The following CRIP1 variants were observed in gnomAD, a reference collection of about 807,000 sequenced individuals.
The protein encoded by CRIP1 is cysteine-rich protein 1.
In CRIP1, 11 loss-of-function variants were observed where a neutral mutation model predicts 12.9. That is an observed-to-expected ratio of 0.86 (90% CI 0.54 to 1.42). The LOEUF (loss-of-function observed/expected upper bound fraction) is 1.42. Among genes scored for constraint, CRIP1 ranks in the 40% most tolerant of loss-of-function variants. The pLI is 0.00. For synonymous variants in CRIP1, 41 were observed against 37.2 expected (o/e 1.10, Z -0.37); for missense variants, 122 against 101.3 (o/e 1.20, Z -0.88).
Position 105,488,462 on chromosome 14 carries a change from TCTC to T in CRIP1, c.194-8_194-6del. 6.9e-7 allele frequency: 1 copy of T among 1,455,046 alleles called. No homozygotes were observed. 90.1% of individuals were successfully genotyped at this position (1,455,046 alleles called of 1,614,324 possible). A position where few individuals can be genotyped will look rare whatever the true frequency, so the allele number is the denominator to read the frequency against. ...CCCAGCCTGTTGACTTTTTCCACCT[TCTC>T]TGCAGGCTTTGGGCGGGGCGGAGCC... is the stretch of plus-strand genomic sequence containing the variant. On this transcript the variant is annotated splice_region_variant and splice_polypyrimidine_tract_variant and intron_variant, in intron 4 of 5. Transcript: ENST00000392531.
At chr14:105,487,637 G>C in intron 2 of CRIP1, 1 of 268,888 alleles carries the variant, frequency 3.7e-6, no homozygotes, top group Non-Finnish European at 6.9e-6. Flanking sequence ...CTGGGGCCGC[G>C]CCCCCCAGCG....
At chr14:105,488,099 G>A (rs2084140551) in intron 2 of CRIP1, 67 bp from the exon 3 acceptor site, 2 of 1,515,388 alleles carry the variant, frequency 1.3e-6, no homozygotes, top group South Asian at 1.2e-5. Context: ...CAAGAGGCGG[G>A]TACGCCAGTG....
Position 105,487,313 on chromosome 14 carries a change from C to T in CRIP1, c.40+14C>T, listed in dbSNP as rs782438052. 5.8e-6 allele frequency: 9 copies of T among 1,539,422 alleles called. No homozygotes were observed. The South Asian group carries it at 1.1e-4, about 19-fold the overall frequency. ...AGGTGTACTTCGGTGAGCGCGCCCACACCGGCCCCGCGAGGAGGCGCCGCC... is the reference window on the plus strand; with the variant it reads ...AGGTGTACTTCGGTGAGCGCGCCCATACCGGCCCCGCGAGGAGGCGCCGCC... On this transcript the variant is annotated intron_variant, in intron 2 of 5. Coordinates refer to ENST00000392531, the MANE Select transcript of CRIP1 (RefSeq NM_001311.5).
In CRIP1 at chr14:105,488,162, G is replaced by A; in HGVS notation, c.41-4G>A. ...CTCACCGGGGCCTGTCTGTGCCTCT[G>A]CAGCCGAGAGGGTGACCTCTCTGGG... On this transcript the variant is annotated splice_polypyrimidine_tract_variant and splice_region_variant and intron_variant, in intron 2 of 5. Coordinates refer to ENST00000392531, the MANE Select transcript of CRIP1 (RefSeq NM_001311.5). 3 of 1,611,848 alleles carry A rather than the reference G, an allele frequency of 1.9e-6. No individual in the cohort carries two copies. The highest frequency in any genetic ancestry group is 2.5e-6 in the Non-Finnish European group (3 of 1,179,820).
In CRIP1 at chr14:105,488,923, CAT is replaced by C. The variant is rs1266016979; in HGVS notation, c.*268_*269del. 17 of 224,750 alleles carry C rather than the reference CAT, an allele frequency of 7.6e-5. No individual in the cohort carries two copies. Among genetic ancestry groups the C allele is most frequent in the Non-Finnish European group, 1.4e-4 (16 of 112,064 alleles). The allele number at this position is 224,750 out of a possible 1,614,324, so 13.9% of individuals were successfully genotyped here. A position where few individuals can be genotyped will look rare whatever the true frequency, so the allele number is the denominator to read the frequency against. On this transcript the variant is annotated 3_prime_UTR_variant, in exon 6 of 6. Coordinates refer to ENST00000392531, the MANE Select transcript of CRIP1 (RefSeq NM_001311.5). ...TCCCCAGGGGGCCGTTCCAGGGTCT[CAT>C]AGGCGAGGGCTCCCTGTGCAGGGTG...
Position 105,488,505 on chromosome 14 carries a change from C to A in CRIP1, c.228C>A (p.Phe76Leu). The change falls in exon 5 of 6, where the codon TTC becomes TTA. Residue 76 changes from phenylalanine (F) to leucine (L), a missense_variant. Phe to Leu is a conservative substitution (Grantham distance 22, BLOSUM62 0). Coordinates refer to ENST00000392531, the MANE Select transcript of CRIP1 (RefSeq NM_001311.5). ...GGGGCGGAGCCGAGAGCCACACTTTCAAGTAAACCAGGTAGGTAGGACCCC... is the reference window on the plus strand; with the variant it reads ...GGGGCGGAGCCGAGAGCCACACTTTAAAGTAAACCAGGTAGGTAGGACCCC... ...FGRGGAESHTFK is the reference protein window; with the variant it reads ...FGRGGAESHTLK 1 of 1,592,232 alleles carries A rather than the reference C, an allele frequency of 6.3e-7. No individual in the cohort carries two copies. The highest frequency in any genetic ancestry group is 2.3e-5 in the East Asian group (1 of 44,282).
rs782739751 is a variant in CRIP1 at position 105,488,277 on chromosome 14, C to G, written c.135+17C>G. ...CACGCTGAGGTAGGTGGGACCCACC[C>G]TGGTGGCAGGGGCCAGGGGTGATGG... On this transcript the variant is annotated intron_variant, in intron 3 of 5. Transcript: ENST00000392531. 4.3e-6 allele frequency: 7 copies of G among 1,613,346 alleles called. No individual in the cohort carries two copies. In the Admixed American group the frequency reaches 8.3e-5, roughly 19 times the overall value.
chr14:105,488,715 C>A lies in CRIP1; in HGVS notation c.*58C>A. 3.2e-6 allele frequency: 2 copies of A among 618,544 alleles called. No homozygotes were observed. The highest frequency in any genetic ancestry group is 5.7e-6 in the Non-Finnish European group (2 of 349,704). 38.3% of individuals were successfully genotyped at this position (618,544 alleles called of 1,614,324 possible). ...TGCAGGGCCACTGTCCAGGCAAATG[C>A]CAGGCCTTGTCCCCAGATGCCCAGG... On this transcript the variant is annotated 3_prime_UTR_variant, in exon 6 of 6. Coordinates refer to ENST00000392531, the MANE Select transcript of CRIP1 (RefSeq NM_001311.5).
chr14:105,488,619 C>T lies in CRIP1; in HGVS notation c.*6-44C>T, dbSNP rs587761042. 1.1e-4 allele frequency: 126 copies of T among 1,196,496 alleles called. 1 individual carries two copies. The highest frequency in any genetic ancestry group is 8.0e-4 in the East Asian group (34 of 42,668). 74.1% of individuals were successfully genotyped at this position (1,196,496 alleles called of 1,614,324 possible). A position where few individuals can be genotyped will look rare whatever the true frequency, so the allele number is the denominator to read the frequency against. On this transcript the variant is annotated intron_variant, in intron 5 of 5. Coordinates refer to ENST00000392531, the MANE Select transcript of CRIP1 (RefSeq NM_001311.5). ...ACCACTCGTGGGCCCCAAAGGAGGC[C>T]GTGGACGCTGCACTCACGTCTGTGC...
Position 105,488,359 on chromosome 14 carries a change from C to G in CRIP1, c.164C>G (p.Pro55Arg), listed in dbSNP as rs200883038. ...GAAGGCAAACCCTACTGCAACCACC[C>G]CTGCTACGCAGCCATGTTTGGGCCT... ...EHEGKPYCNH[P>R]CYAAMFGPKG... The change falls in exon 4 of 6, where the codon CCC becomes CGC. Residue 55 changes from proline to arginine, a missense_variant. By Grantham distance (103) the Pro-to-Arg change is moderately radical. Transcript: ENST00000392531. The G allele has an allele frequency of 1.2e-6, 2 of 1,613,500 alleles. No individual in the cohort carries two copies. Among genetic ancestry groups the G allele is most frequent in the Non-Finnish European group, 1.7e-6 (2 of 1,179,982 alleles).
intron 2 of CRIP1, chr14:105,487,766 G>A (rs934119943): frequency 2.3e-5 from 5 of 219,648 alleles, no homozygotes; most frequent in Non-Finnish European, 4.5e-5. Flanking sequence ...CCCTGTCCCC[G>A]CCGAGAAGGG....
intron 1 of CRIP1, 61 bp from the exon 2 acceptor site, chr14:105,487,138 G>A: frequency 7.0e-7 from 1 of 1,430,846 alleles, no homozygotes; most frequent in South Asian, 1.5e-5. Context: ...GAGGGGCGGG[G>A]TCTCCAAGGG....
intron 2 of CRIP1, chr14:105,487,591 G>C (rs1261591391): frequency 2.7e-6 from 1 of 367,982 alleles, no homozygotes; most frequent in South Asian, 6.9e-5. Flanking sequence ...GGCGCGCCCT[G>C]AGTGGGGGAC....
Position 105,487,205 on chromosome 14 carries a change from G to C in CRIP1, c.-55G>C. The C allele has an allele frequency of 6.5e-7, 1 of 1,536,532 alleles. No individual in the cohort carries two copies. The highest frequency in any genetic ancestry group is 1.2e-5 in the South Asian group (1 of 82,430). On this transcript the variant is annotated 5_prime_UTR_variant, in exon 2 of 6. Coordinates refer to ENST00000392531, the MANE Select transcript of CRIP1 (RefSeq NM_001311.5). ...CCAGGCCGGATCCACCCAGTCTCGCGCCTGCAGCCCGTGCCGCCCCAGCCG... is the reference window on the plus strand; with the variant it reads ...CCAGGCCGGATCCACCCAGTCTCGCCCCTGCAGCCCGTGCCGCCCCAGCCG...
chr14:105,488,403 T>TGGGCC lies in CRIP1; in HGVS notation c.193+15_193+16insGGGCC. 25 of 1,579,960 alleles carry TGGGCC rather than the reference T, an allele frequency of 1.6e-5. No homozygotes were observed. The highest frequency in any genetic ancestry group is 5.5e-5 in the African/African-American group (4 of 72,948). On this transcript the variant is annotated intron_variant, in intron 4 of 5. Transcript: ENST00000392531. ...TGGGCCTAAAGGTATGCTCCCGTCA[T>TGGGCC]CCCCACCCCACCCCACCCCACAGCC...
rs1595465811 is a variant in CRIP1 at position 105,488,944 on chromosome 14, C to T, written c.*287C>T. ...GTCTCATAGGCGAGGGCTCCCTGTG[C>T]AGGGTGAGTCCAGGCCACCCTAGAC... On this transcript the variant is annotated 3_prime_UTR_variant, in exon 6 of 6. Coordinates refer to ENST00000392531, the MANE Select transcript of CRIP1 (RefSeq NM_001311.5). The T allele has an allele frequency of 4.9e-6, 1 of 203,512 alleles. No individual in the cohort carries two copies. The highest frequency in any genetic ancestry group is 1.1e-4 in the East Asian group (1 of 8,738). The allele number at this position is 203,512 out of a possible 1,614,324, so 12.6% of individuals were successfully genotyped here.
rs1395573407 is a variant in CRIP1, at chr14:105,486,941, C to T, written c.-93C>T. The T allele has an allele frequency of 5.6e-5, 65 of 1,167,892 alleles. No homozygotes were observed. Among genetic ancestry groups the T allele is most frequent in the Non-Finnish European group, 6.6e-5 (62 of 945,046 alleles). The allele number at this position is 1,167,892 out of a possible 1,614,324, so 72.3% of individuals were successfully genotyped here. A position where few individuals can be genotyped will look rare whatever the true frequency, so the allele number is the denominator to read the frequency against. ...TCACAGCGCTGGGCTAGGGGCGCGG[C>T]TTGAACTCGCCTAAAGAGCTGCGCC... On this transcript the variant is annotated 5_prime_UTR_variant, in exon 1 of 6. Transcript: ENST00000392531.
intron 2 of CRIP1, 58 bp from the exon 3 acceptor site, chr14:105,488,108 T>C: frequency 6.5e-7 from 1 of 1,548,662 alleles, no homozygotes; most frequent in Admixed American, 1.7e-5. Flanking sequence ...GGTACGCCAG[T>C]GGTGGGTAGG....
chr14:105,487,305 C>A lies in CRIP1; in HGVS notation c.40+6C>A. 1 of 1,540,654 alleles carries A rather than the reference C, an allele frequency of 6.5e-7. No homozygotes were observed. The highest frequency in any genetic ancestry group is 8.7e-7 in the Non-Finnish European group (1 of 1,142,970). ...CAACAAGGAGGTGTACTTCGGTGAG[C>A]GCGCCCACACCGGCCCCGCGAGGAG... is the stretch of plus-strand genomic sequence containing the variant. On this transcript the variant is annotated splice_donor_region_variant and intron_variant, in intron 2 of 5. Coordinates refer to ENST00000392531, the MANE Select transcript of CRIP1 (RefSeq NM_001311.5).
Sources: allele counts gnomAD v4.1 joint callset, GRCh38; gene constraint gnomAD v4.1.1; transcripts MANE v1.5; gene names NCBI Gene and HGNC (gene_info 2026-07-23, HGNC 2026-07-21).